RNLS: variants seen among roughly 807,000 people sequenced by gnomAD.
The protein encoded by RNLS is renalase.
A neutral mutation model predicts 39.8 loss-of-function variants in RNLS; 39 were observed. The ratio of observed to expected loss-of-function variants is 0.98; its 90% CI spans 0.76 to 1.28. RNLS has a LOEUF of 1.28. Ranked by LOEUF, RNLS falls within the 50% of genes most tolerant of loss-of-function variation. RNLS has a pLI of 0.00. For synonymous variants in RNLS, 147 were observed against 150.7 expected, an observed-to-expected ratio of 0.98 and a Z score of 0.18; for missense variants, 410 against 413.3, an observed-to-expected ratio of 0.99 and a Z score of 0.07.
chr10:88,419,469 G>A (rs975627855), intron 4 of RNLS, among the ~76,000 whole-genome samples: 3 of 152,202 alleles, frequency 2.0e-5, no homozygotes, highest in Admixed American at 6.5e-5. Flanking sequence ...GAGGTGAGGA[G>A]AGTCGAGGAA....
intron 5 of RNLS, among the ~76,000 whole-genome samples, chr10:88,319,967 G>C (rs1054980224): frequency 6.6e-6 from 1 of 151,882 alleles, no homozygotes; most frequent in Non-Finnish European, 1.5e-5. Flanking sequence ...GAAGATGATA[G>C]TCACCAAGGC....
intron 4 of RNLS, among the ~76,000 whole-genome samples, chr10:88,443,672 G>GTGCATGGCTTGGAGGGTCCCA (rs1841861387): frequency 6.6e-6 from 1 of 152,234 alleles, no homozygotes; most frequent in Non-Finnish European, 1.5e-5. Flanking sequence ...ATTATATCCC[G>GTGCATGGCTTGGAGGGTCCCA]TGCATGGCTT....
intron 6 of RNLS, among the ~76,000 whole-genome samples, chr10:88,303,558 T>C (rs1844689761): frequency 6.6e-6 from 1 of 152,206 alleles, no homozygotes; most frequent in African/African-American, 2.4e-5. Flanking sequence ...TTCCCTGTAC[T>C]ACAGCTTCCC....
At chr10:88,399,090 C>T in intron 4 of RNLS, among the ~76,000 whole-genome samples, 1 of 151,994 alleles carries the variant, frequency 6.6e-6, no homozygotes, top group Non-Finnish European at 1.5e-5. Flanking sequence ...AATGGCATAT[C>T]ATTTCATACC....
chr10:88,331,337 T>G (rs1216494893), intron 5 of RNLS, among the ~76,000 whole-genome samples: 1 of 152,152 alleles, frequency 6.6e-6, no homozygotes. Context: ...GACAGGGAAA[T>G]AGAGGACTAA....
chr10:88,321,466 A>G (rs1846177020), intron 5 of RNLS, among the ~76,000 whole-genome samples: 1 of 152,220 alleles, frequency 6.6e-6, no homozygotes, highest in Non-Finnish European at 1.5e-5. Context: ...GCAGAATGAC[A>G]TAAAATTGTG....
chr10:88,377,489 G>A (rs1851110298), intron 4 of RNLS, among the ~76,000 whole-genome samples: 1 of 152,090 alleles, frequency 6.6e-6, no homozygotes. Flanking sequence ...TACATACCTA[G>A]GCTATATGGT....
intron 4 of RNLS, among the ~76,000 whole-genome samples, chr10:88,541,643 A>G (rs1848047444): frequency 6.6e-6 from 1 of 152,174 alleles, no homozygotes; most frequent in African/African-American, 2.4e-5. Context: ...TTCAAAAGAA[A>G]ATAATCGTAA....
chr10:88,532,829 C>T (rs947310469), intron 4 of RNLS, among the ~76,000 whole-genome samples: 10 of 151,964 alleles, frequency 6.6e-5, no homozygotes, highest in African/African-American at 2.2e-4. Flanking sequence ...GAGAACCACT[C>T]AAATCACATG....
chr10:88,382,754 C>T (rs1244962416), intron 4 of RNLS, among the ~76,000 whole-genome samples: 1 of 151,998 alleles, frequency 6.6e-6, no homozygotes, highest in Non-Finnish European at 1.5e-5. Flanking sequence ...ATAGCTGATA[C>T]CACTCAGTTA....
intron 4 of RNLS, among the ~76,000 whole-genome samples, chr10:88,517,729 A>C (rs539709613): frequency 3.7e-4 from 56 of 152,034 alleles, no homozygotes; most frequent in Non-Finnish European, 7.4e-5. Flanking sequence ...GAAGGCCTAA[A>C]TTACTTATAA....
chr10:88,272,512 C>T (rs1181956919), downstream of RNLS, among the ~76,000 whole-genome samples: 1 of 152,094 alleles, frequency 6.6e-6, no homozygotes, highest in Non-Finnish European at 1.5e-5. Context: ...TTCAGTCATT[C>T]CTGGGCCCAA....
intron 4 of RNLS, among the ~76,000 whole-genome samples, chr10:88,503,581 T>C (rs943136544): frequency 6.6e-6 from 1 of 152,142 alleles, no homozygotes; most frequent in Non-Finnish European, 1.5e-5. Flanking sequence ...GTAGTTATAC[T>C]CTAGAGCAAG....
the RNLS span, among the ~76,000 whole-genome samples, chr10:88,217,712 A>G: frequency 7.3e-6 from 1 of 136,376 alleles, no homozygotes; most frequent in Admixed American, 7.7e-5. Context: ...TTTGATACTC[A>G]AGAAAATCTC....
intron 5 of RNLS, among the ~76,000 whole-genome samples, chr10:88,333,436 T>A (rs2133175948): frequency 6.6e-6 from 1 of 152,304 alleles, no homozygotes; most frequent in Admixed American, 6.5e-5. Context: ...TCCTGAAATT[T>A]TCTACAAATG....
chr10:88,576,627 C>G (rs780832191), intron 3 of RNLS, among the ~76,000 whole-genome samples: 47 of 152,146 alleles, frequency 3.1e-4, no homozygotes, highest in African/African-American at 1.1e-3. Flanking sequence ...AAAAGGACAT[C>G]GTTACGGATG....
chr10:88,559,662 C>CATTCATTCATTCAT (rs1849062669), intron 4 of RNLS, among the ~76,000 whole-genome samples: 4 of 151,188 alleles, frequency 2.6e-5, no homozygotes, highest in African/African-American at 7.3e-5. Context: ...GATTGTTTCA[C>CATTCATTCATTCAT]TCATTCATTC....
chr10:88,276,436 C>T (rs1037364956), intron 6 of RNLS, among the ~76,000 whole-genome samples: 1 of 151,970 alleles, frequency 6.6e-6, no homozygotes, highest in African/African-American at 2.4e-5. Flanking sequence ...ATATTTATCC[C>T]TTTAATCCAT....
intron 5 of RNLS, among the ~76,000 whole-genome samples, chr10:88,320,765 T>C (rs1846129056): frequency 6.7e-6 from 1 of 150,082 alleles, no homozygotes; most frequent in African/African-American, 2.5e-5. Context: ...TTTAAATGTA[T>C]GTTTACTCAA....
Sources: gnomAD v4.1 joint callset for allele counts (sites outside exome capture counted in the v4.1 genomes callset) on GRCh38, gnomAD v4.1.1 for gene constraint, MANE v1.5 for transcripts, NCBI Gene and HGNC (gene_info 2026-07-23, HGNC 2026-07-21) for gene names.